The following NKAIN2 variants were observed in gnomAD, a reference collection of about 807,000 sequenced individuals.
NKAIN2 encodes sodium/potassium transporting ATPase interacting 2.
Under a neutral mutation model 32.6 loss-of-function variants are expected in NKAIN2, and 14 were observed. That is an observed-to-expected ratio of 0.43 (90% CI 0.28 to 0.67). The LOEUF (loss-of-function observed/expected upper bound fraction) is 0.67, where lower values mean the gene tolerates loss of function less well. Among genes scored for constraint, NKAIN2 ranks in the 30% least tolerant of loss-of-function variants. The probability of loss-of-function intolerance (pLI) is 0.17; values close to 1 mark genes in which losing one functional copy is unlikely to be tolerated. For missense variants in NKAIN2, 198 were observed against 258.3 expected (o/e 0.77, Z 1.60); for synonymous variants, 80 against 87.2 (o/e 0.92, Z 0.46).
At chr6:123,900,200 G>A (rs1216450434) in intron 1 of NKAIN2, among the ~76,000 whole-genome samples, 9 of 152,090 alleles carry the variant, frequency 5.9e-5, no homozygotes, top group Admixed American at 3.3e-4. Flanking sequence ...GGATGGATGC[G>A]GTGGCTCATG....
chr6:124,363,702 C>T (rs9491138), intron 3 of NKAIN2, among the ~76,000 whole-genome samples: 12,339 of 152,222 alleles, frequency 0.081, 501 homozygotes, highest in African/African-American at 0.1. Flanking sequence ...GAACTAAATC[C>T]AGGCTCAACT....
At chr6:124,421,576 C>T (rs1015746556) in intron 3 of NKAIN2, among the ~76,000 whole-genome samples, 1 of 152,050 alleles carries the variant, frequency 6.6e-6, no homozygotes, top group African/African-American at 2.4e-5. Flanking sequence ...GTCACTATTA[C>T]TATCTTTTTT....
At chr6:124,243,457 G>A (rs1366870900) in intron 1 of NKAIN2, among the ~76,000 whole-genome samples, 4 of 151,384 alleles carry the variant, frequency 2.6e-5, no homozygotes, top group East Asian at 3.9e-4. Flanking sequence ...ATCATGCCAC[G>A]GTACTCCAGC....
At chr6:124,818,977 A>C (rs1357518431) in intron 6 of NKAIN2, 1 of 159,756 alleles carries the variant, frequency 6.3e-6, no homozygotes, top group East Asian at 1.9e-4. Flanking sequence ...TTCTGATGTA[A>C]AAGTGAAAAT....
intron 4 of NKAIN2, among the ~76,000 whole-genome samples, chr6:124,771,931 A>C (rs1039592071): frequency 6.6e-6 from 1 of 152,162 alleles, no homozygotes; most frequent in African/African-American, 2.4e-5. Context: ...AGAGAATGGC[A>C]TTTATGAATA....
At chr6:124,549,208 T>C (rs1780202129) in intron 3 of NKAIN2, among the ~76,000 whole-genome samples, 1 of 151,960 alleles carries the variant, frequency 6.6e-6, no homozygotes, top group Admixed American at 6.6e-5. Context: ...CTACTAAAAA[T>C]ACAAAATAAA....
intron 1 of NKAIN2, among the ~76,000 whole-genome samples, chr6:124,027,306 A>G (rs1301294273): frequency 6.6e-6 from 1 of 151,876 alleles, no homozygotes; most frequent in Non-Finnish European, 1.5e-5. Flanking sequence ...CGCCTGGCTA[A>G]TTTTTGGTAT....
intron 4 of NKAIN2, among the ~76,000 whole-genome samples, chr6:124,711,382 G>C: frequency 8.0e-6 from 1 of 124,704 alleles, no homozygotes; most frequent in Admixed American, 8.5e-5. Flanking sequence ...CTAGATTGGG[G>C]AAGTTCTCCT....
At chr6:124,591,042 A>G (rs1033354975) in intron 3 of NKAIN2, among the ~76,000 whole-genome samples, 4 of 152,202 alleles carry the variant, frequency 2.6e-5, no homozygotes, top group African/African-American at 9.6e-5. Flanking sequence ...TAGGAGCCCG[A>G]TTTGCTTTTT....
chr6:124,141,340 A>G (rs1216020891), intron 1 of NKAIN2, among the ~76,000 whole-genome samples: 1 of 152,214 alleles, frequency 6.6e-6, no homozygotes, highest in Admixed American at 6.5e-5. Flanking sequence ...GCCCAAGCAA[A>G]ACAAACAATA....
chr6:124,247,813 G>A (rs972780579), intron 1 of NKAIN2, among the ~76,000 whole-genome samples: 11 of 152,096 alleles, frequency 7.2e-5, no homozygotes, highest in Admixed American at 2.6e-4. Context: ...GTATCCATCA[G>A]TGGACTGAAT....
chr6:124,651,285 G>A (rs563983136), intron 3 of NKAIN2, among the ~76,000 whole-genome samples: 3 of 152,244 alleles, frequency 2.0e-5, no homozygotes, highest in South Asian at 2.1e-4. Flanking sequence ...ACAGCTCTCC[G>A]GGTGGTTGTT....
intron 4 of NKAIN2, among the ~76,000 whole-genome samples, chr6:124,674,412 T>C (rs1773259977): frequency 6.6e-6 from 1 of 152,026 alleles, no homozygotes; most frequent in African/African-American, 2.4e-5. Context: ...ATTGTGCTTT[T>C]GATAGAGATT....
At chr6:124,252,045 T>C (rs1057147215) in intron 1 of NKAIN2, among the ~76,000 whole-genome samples, 1 of 152,042 alleles carries the variant, frequency 6.6e-6, no homozygotes, top group African/African-American at 2.4e-5. Context: ...ATAATTATTA[T>C]TTGTCAATTA....
intron 3 of NKAIN2, among the ~76,000 whole-genome samples, chr6:124,562,459 T>C (rs1353361875): frequency 1.3e-5 from 2 of 152,240 alleles, no homozygotes; most frequent in African/African-American, 4.8e-5. Context: ...GAAAGCTTTA[T>C]CTGGCTAGAA....
chr6:124,194,493 A>C (rs2114601686), intron 1 of NKAIN2, among the ~76,000 whole-genome samples: 1 of 152,220 alleles, frequency 6.6e-6, no homozygotes, highest in African/African-American at 2.4e-5. Flanking sequence ...TATTTAATTA[A>C]TGGAATTTGA....
intron 3 of NKAIN2, among the ~76,000 whole-genome samples, chr6:124,408,794 G>T (rs187030229): frequency 1.3e-5 from 2 of 152,216 alleles, no homozygotes; most frequent in East Asian, 3.9e-4. Context: ...GGGCAGTATG[G>T]CCATTTTCAC....
chr6:124,569,048 C>A (rs1481051282), intron 3 of NKAIN2, among the ~76,000 whole-genome samples: 1 of 152,174 alleles, frequency 6.6e-6, no homozygotes, highest in Non-Finnish European at 1.5e-5. Context: ...CCCTCACTGG[C>A]AGTCTAGAGT....
At chr6:123,950,780 A>G (rs996927125) in intron 1 of NKAIN2, among the ~76,000 whole-genome samples, 2 of 151,672 alleles carry the variant, frequency 1.3e-5, no homozygotes, top group African/African-American at 2.4e-5. Context: ...TTTTTAGTCC[A>G]ATTTCATTTA....
Sources: allele counts gnomAD v4.1 joint callset (sites outside exome capture counted in the v4.1 genomes callset), GRCh38; gene constraint gnomAD v4.1.1; transcripts MANE v1.5; gene names NCBI Gene and HGNC (gene_info 2026-07-23, HGNC 2026-07-21).